The following ST6GALNAC3 variants were observed in gnomAD, a reference collection of about 807,000 sequenced individuals.
ST6GALNAC3 encodes the protein ST6 N-acetylgalactosaminide alpha-2,6-sialyltransferase 3.
A neutral mutation model predicts 32.7 loss-of-function variants in ST6GALNAC3; 25 were observed. The ratio of observed to expected loss-of-function variants is 0.76; its 90% CI spans 0.56 to 1.07. The LOEUF is 1.07. ST6GALNAC3 is among the 50% of genes least tolerant of loss of function. The probability of loss-of-function intolerance (pLI) is 0.00; values close to 1 mark genes in which losing one functional copy is unlikely to be tolerated. For missense variants in ST6GALNAC3, 355 were observed against 382.4 expected (o/e 0.93, Z 0.60); for synonymous variants, 129 against 133.1 (o/e 0.97, Z 0.21).
At chr1:76,425,238 G>A (rs1655289558) in intron 3 of ST6GALNAC3, among the ~76,000 whole-genome samples, 1 of 151,898 alleles carries the variant, frequency 6.6e-6, no homozygotes, top group Non-Finnish European at 1.5e-5. Context: ...CATTTCTAAT[G>A]TCTGCCTTCT....
intron 3 of ST6GALNAC3, among the ~76,000 whole-genome samples, chr1:76,564,626 C>T (rs1171290421): frequency 7.0e-6 from 1 of 143,782 alleles, no homozygotes; most frequent in Admixed American, 7.2e-5. Flanking sequence ...AGCTCTGTTG[C>T]CCAGGCTGGA....
At chr1:76,111,061 A>G (rs138264020) in intron 1 of ST6GALNAC3, among the ~76,000 whole-genome samples, 28 of 152,324 alleles carry the variant, frequency 1.8e-4, no homozygotes, top group African/African-American at 6.0e-4. Context: ...AGCCTTAGTA[A>G]GAAAGGCTTA....
In ST6GALNAC3 at chr1:76,472,799, GC is replaced by G. The variant is rs367572814; in HGVS notation, c.623+60383del. On this transcript the variant is annotated intron_variant, in intron 3 of 4. Transcript: ENST00000328299. ...ACAGCAAGTTGAGACTACTTTTGAAGCTTAATTATGAAAATTGGAGAGAAAA... is the reference window on the plus strand; with the variant it reads ...ACAGCAAGTTGAGACTACTTTTGAAGTTAATTATGAAAATTGGAGAGAAAA... Among the ~76,000 whole-genome samples, 1,425 of 152,188 alleles carry G rather than the reference GC, an allele frequency of 9.4e-3. 10 individuals are homozygous for G. Among genetic ancestry groups the G allele is most frequent in the Middle Eastern group, 0.092 (27 of 294 alleles).
intron 3 of ST6GALNAC3, among the ~76,000 whole-genome samples, chr1:76,430,876 G>T (rs190685737): frequency 2.0e-5 from 3 of 152,102 alleles, no homozygotes; most frequent in Non-Finnish European, 4.4e-5. Flanking sequence ...TTGCCACTTG[G>T]TTCTGCCTGG....
At chr1:76,107,561 C>G (rs1197513272) in intron 1 of ST6GALNAC3, among the ~76,000 whole-genome samples, 3 of 152,190 alleles carry the variant, frequency 2.0e-5, no homozygotes, top group South Asian at 2.1e-4. Context: ...TTATCTTTGT[C>G]TTATTATTCA....
At chr1:76,397,628 C>A (rs1653076354) in intron 2 of ST6GALNAC3, among the ~76,000 whole-genome samples, 1 of 152,114 alleles carries the variant, frequency 6.6e-6, no homozygotes. Context: ...CCCACCTCAG[C>A]CTCCCAAAGT....
intron 2 of ST6GALNAC3, among the ~76,000 whole-genome samples, chr1:76,382,912 A>G (rs1651822879): frequency 2.0e-5 from 3 of 152,192 alleles, no homozygotes; most frequent in Admixed American, 6.5e-5. Context: ...AAAAGGCTTC[A>G]TGGACCCTAA....
intron 2 of ST6GALNAC3, among the ~76,000 whole-genome samples, chr1:76,322,745 T>A (rs7530506): frequency 6.7e-6 from 1 of 149,044 alleles, no homozygotes; most frequent in Non-Finnish European, 1.5e-5. Context: ...TATCCACCAC[T>A]GCCCCCCACC....
chr1:76,124,557 G>A (rs1649119083), intron 1 of ST6GALNAC3, among the ~76,000 whole-genome samples: 1 of 152,146 alleles, frequency 6.6e-6, no homozygotes, highest in Non-Finnish European at 1.5e-5. Flanking sequence ...AACTGGCTCT[G>A]ATTTCCATTT....
chr1:76,503,531 T>C (rs1040081006), intron 3 of ST6GALNAC3, among the ~76,000 whole-genome samples: 1 of 152,228 alleles, frequency 6.6e-6, no homozygotes. Context: ...AATGTGTACT[T>C]TTACAGAGAA....
chr1:76,577,542 G>A (rs1646830491), intron 3 of ST6GALNAC3, among the ~76,000 whole-genome samples: 2 of 151,950 alleles, frequency 1.3e-5, no homozygotes, highest in Non-Finnish European at 2.9e-5. Flanking sequence ...AACTGGGCAT[G>A]TATTCCTCCT....
At chr1:76,565,484 C>G (rs1330446459) in intron 3 of ST6GALNAC3, among the ~76,000 whole-genome samples, 2 of 152,108 alleles carry the variant, frequency 1.3e-5, no homozygotes, top group Non-Finnish European at 2.9e-5. Flanking sequence ...CAGGTCCTTC[C>G]GTTTTCTCTT....
chr1:76,415,884 A>G (rs964042717), intron 3 of ST6GALNAC3, among the ~76,000 whole-genome samples: 1 of 152,090 alleles, frequency 6.6e-6, no homozygotes, highest in Non-Finnish European at 1.5e-5. Context: ...TAAAATCGTT[A>G]TGAGTTCAAA....
At position 76,257,462 on chromosome 1, in the gene ST6GALNAC3, C is replaced by T. The variant is rs184714062; in HGVS notation, c.19-56343C>T. The stretch of plus-strand genomic sequence containing the variant: ...TACATTTGGGGTGGAATCCAGGCAT[C>T]TACATTTTTAAAAAGCACCATGGCC... On this transcript the variant is annotated intron_variant, in intron 1 of 4. Coordinates refer to ENST00000328299, the MANE Select transcript of ST6GALNAC3 (RefSeq NM_152996.4). Among the ~76,000 whole-genome samples, 84 of 152,212 alleles carry T rather than the reference C, an allele frequency of 5.5e-4. 3 individuals are homozygous for T. The highest frequency in any genetic ancestry group is 1.9e-3 in the African/African-American group (81 of 41,542).
Position 76,313,257 on chromosome 1 carries a change from A to T in ST6GALNAC3, c.19-548A>T, listed in dbSNP as rs577234933. ...GTTCTTTGAATGCCTGTAGTATGTA[A>T]GGTACCATGTTAAGAGCCTGGGATA... On this transcript the variant is annotated intron_variant, in intron 1 of 4. Coordinates refer to ENST00000328299, the MANE Select transcript of ST6GALNAC3 (RefSeq NM_152996.4). Among the ~76,000 whole-genome samples the T allele has an allele frequency of 6.6e-5, 10 of 152,252 alleles. No individual in the cohort carries two copies. In the South Asian group the frequency reaches 2.1e-3, roughly 32 times the overall value.
At chr1:76,340,530 A>C (rs898016750) in intron 2 of ST6GALNAC3, among the ~76,000 whole-genome samples, 1 of 152,224 alleles carries the variant, frequency 6.6e-6, no homozygotes, top group African/African-American at 2.4e-5. Context: ...CTGCCTGGCC[A>C]GGGCCCAGAG....
chr1:76,119,915 A>T (rs1385570654), intron 1 of ST6GALNAC3, among the ~76,000 whole-genome samples: 1 of 141,556 alleles, frequency 7.1e-6, no homozygotes, highest in Non-Finnish European at 1.6e-5. Context: ...AATTGCCTCC[A>T]TCACAGAAAG....
intron 1 of ST6GALNAC3, among the ~76,000 whole-genome samples, chr1:76,094,881 C>G (rs527850263): frequency 2.4e-4 from 36 of 152,060 alleles, no homozygotes; most frequent in African/African-American, 8.7e-4. Context: ...CCCCCACCCC[C>G]CACCGTTCCT....
chr1:76,629,790 A>C lies in ST6GALNAC3; in HGVS notation c.*984A>C, dbSNP rs1649196267. 1.1e-5 allele frequency: 11 copies of C among 972,108 alleles called. No homozygotes were observed. The highest frequency in any genetic ancestry group is 1.3e-5 in the Non-Finnish European group (11 of 817,742). The allele number at this position is 972,108 out of a possible 1,614,324, so 60.2% of individuals were successfully genotyped here. On this transcript the variant is annotated 3_prime_UTR_variant, in exon 5 of 5. Coordinates refer to ENST00000328299, the MANE Select transcript of ST6GALNAC3 (RefSeq NM_152996.4). ...AATTTGTATCCTATCATACTTCATA[A>C]TATATATTTGTATATTCAAATTTCT... is the stretch of plus-strand genomic sequence containing the variant.
Sources: allele counts gnomAD v4.1 joint callset (sites outside exome capture counted in the v4.1 genomes callset), GRCh38; gene constraint gnomAD v4.1.1; transcripts MANE v1.5; gene names NCBI Gene and HGNC (gene_info 2026-07-23, HGNC 2026-07-21).